PLCB1: variants seen among roughly 807,000 people sequenced by gnomAD.
PLCB1 encodes 1-phosphatidylinositol 4,5-bisphosphate phosphodiesterase beta-1.
PLCB1 carries 46 observed loss-of-function variants against 161.8 expected under a neutral mutation model. That is an observed-to-expected ratio of 0.28 (90% CI 0.22 to 0.36). The LOEUF is 0.36. PLCB1 is among the 10% of genes least tolerant of loss of function. The pLI, the probability that PLCB1 is intolerant of heterozygous loss-of-function variation, is 1.00. For synonymous variants in PLCB1, 517 were observed against 503.7 expected, an observed-to-expected ratio of 1.03 and a Z score of -0.35; for missense variants, 1,016 against 1,472.5, an observed-to-expected ratio of 0.69 and a Z score of 5.07.
chr20:8,393,594 G>T (rs1464766679), intron 3 of PLCB1, among the ~76,000 whole-genome samples: 1 of 152,166 alleles, frequency 6.6e-6, no homozygotes. Context: ...GTTCAAGGCT[G>T]CAGTGAACTG....
chr20:8,602,110 A>G (rs562711169), intron 3 of PLCB1, among the ~76,000 whole-genome samples: 1 of 152,158 alleles, frequency 6.6e-6, no homozygotes, highest in Non-Finnish European at 1.5e-5. Flanking sequence ...AAGTTCTCTC[A>G]TGAGACTAGT....
intron 3 of PLCB1, among the ~76,000 whole-genome samples, chr20:8,498,602 T>C (rs192618603): frequency 4.6e-5 from 7 of 152,162 alleles, no homozygotes; most frequent in Admixed American, 4.6e-4. Flanking sequence ...AAGATAGTTA[T>C]AGTTGGTGAT....
chr20:8,205,571 C>G (rs1236839583), intron 2 of PLCB1, among the ~76,000 whole-genome samples: 1 of 152,164 alleles, frequency 6.6e-6, no homozygotes, highest in Admixed American at 6.6e-5. Context: ...TCATCTTAAA[C>G]AATTCCAATG....
At chr20:8,337,596 G>A (rs1208561238) in intron 2 of PLCB1, among the ~76,000 whole-genome samples, 3 of 152,092 alleles carry the variant, frequency 2.0e-5, no homozygotes, top group Non-Finnish European at 2.9e-5. Context: ...CATGAAATAG[G>A]CCTTAAAATC....
chr20:8,857,129 G>A lies in PLCB1; in HGVS notation c.3424-24493G>A, dbSNP rs1303997088. Among the ~76,000 whole-genome samples the A allele has an allele frequency of 2.6e-5, 4 of 152,140 alleles. 1 individual carries two copies. In the South Asian group the frequency reaches 6.2e-4, roughly 24 times the overall value. The stretch of plus-strand genomic sequence containing the variant: ...TAGTCTCTAATCTGTGAACAGACAC[G>A]CCCAGGCTTGTTCACTTGCTGGTGG... On this transcript the variant is annotated intron_variant, in intron 31 of 31. Coordinates refer to ENST00000338037, the MANE Select transcript of PLCB1 (RefSeq NM_015192.4).
intron 3 of PLCB1, among the ~76,000 whole-genome samples, chr20:8,482,890 A>G (rs114529710): frequency 0.013 from 1,459 of 114,808 alleles, 25 homozygotes; most frequent in African/African-American, 0.045. Flanking sequence ...CAGGGCAGGC[A>G]GTCCTTCATT....
intron 3 of PLCB1, among the ~76,000 whole-genome samples, chr20:8,484,846 C>G (rs1296186266): frequency 6.6e-6 from 1 of 152,160 alleles, no homozygotes; most frequent in Non-Finnish European, 1.5e-5. Flanking sequence ...TACCCCAATT[C>G]AAATAGAAAC....
intron 2 of PLCB1, among the ~76,000 whole-genome samples, chr20:8,224,092 A>T (rs1402236300): frequency 1.3e-5 from 2 of 152,192 alleles, no homozygotes; most frequent in African/African-American, 4.8e-5. Flanking sequence ...TAAAATAAAC[A>T]TGTAACTTAA....
intron 3 of PLCB1, among the ~76,000 whole-genome samples, chr20:8,390,720 A>C (rs181324097): frequency 1.7e-3 from 257 of 152,258 alleles, no homozygotes; most frequent in Middle Eastern, 3.4e-3. Context: ...CATTATCAGC[A>C]CTAATTTCTG....
At chr20:8,440,957 A>T (rs907639965) in intron 3 of PLCB1, among the ~76,000 whole-genome samples, 2 of 152,148 alleles carry the variant, frequency 1.3e-5, no homozygotes, top group Non-Finnish European at 2.9e-5. Flanking sequence ...AAGAAATTAA[A>T]TTAAAAAGAG....
Position 8,589,123 on chromosome 20 carries a change from T to A in PLCB1, c.247-39171T>A, listed in dbSNP as rs150097241. The stretch of plus-strand genomic sequence containing the variant: ...GCTAGGCCAGGTTAATTCCCATCAC[T>A]GTTTTGTCTTTGGGCTTAGTTGTGC... On this transcript the variant is annotated intron_variant, in intron 3 of 31. Coordinates refer to ENST00000338037, the MANE Select transcript of PLCB1 (RefSeq NM_015192.4). 7.2e-3 allele frequency among the ~76,000 whole-genome samples: 1,094 copies of A among 152,282 alleles called. 17 individuals carry two copies. Among genetic ancestry groups the A allele is most frequent in the African/African-American group, 0.025 (1,055 of 41,550 alleles).
intron 18 of PLCB1, among the ~76,000 whole-genome samples, chr20:8,732,456 T>C (rs898160055): frequency 5.3e-5 from 8 of 151,430 alleles, no homozygotes; most frequent in African/African-American, 1.7e-4. Context: ...ATCAAAACAT[T>C]ATAAGGGTGA....
At chr20:8,310,156 C>T (rs1016898182) in intron 2 of PLCB1, among the ~76,000 whole-genome samples, 9 of 151,498 alleles carry the variant, frequency 5.9e-5, no homozygotes, top group East Asian at 1.9e-4. Context: ...GTTTTTGTTA[C>T]GGTGGGTCTC....
At chr20:8,720,404 G>A (rs891559296) in intron 14 of PLCB1, among the ~76,000 whole-genome samples, 2 of 152,208 alleles carry the variant, frequency 1.3e-5, no homozygotes, top group Admixed American at 6.5e-5. Flanking sequence ...ATTTTAATAT[G>A]TAGGTACCTG....
At chr20:8,266,543 G>A (rs1981962330) in intron 2 of PLCB1, among the ~76,000 whole-genome samples, 1 of 152,204 alleles carries the variant, frequency 6.6e-6, no homozygotes, top group Non-Finnish European at 1.5e-5. Context: ...AAGCGTAGGA[G>A]GGAGCTACAA....
intron 31 of PLCB1, among the ~76,000 whole-genome samples, chr20:8,870,604 C>T (rs2146324289): frequency 6.6e-6 from 1 of 152,284 alleles, no homozygotes; most frequent in East Asian, 1.9e-4. Flanking sequence ...AGGAACTGTG[C>T]TTGGTAAATC....
intron 2 of PLCB1, among the ~76,000 whole-genome samples, chr20:8,326,080 G>GATT (rs1985141832): frequency 6.6e-6 from 1 of 152,132 alleles, no homozygotes; most frequent in Non-Finnish European, 1.5e-5. Context: ...TACCCTTCGA[G>GATT]GTTGTTTAAG....
chr20:8,304,919 G>A (rs1326800244), intron 2 of PLCB1, among the ~76,000 whole-genome samples: 1 of 152,104 alleles, frequency 6.6e-6, no homozygotes, highest in Non-Finnish European at 1.5e-5. Flanking sequence ...GTCCTCATTT[G>A]TCTATTTCAG....
chr20:8,523,496 C>CTCTCTCTCTCTATATATATATA, intron 3 of PLCB1, among the ~76,000 whole-genome samples: 67 of 51,636 alleles, frequency 1.3e-3, no homozygotes, highest in East Asian at 3.2e-3. Flanking sequence ...CTCTCTCTCT[C>CTCTCTCTCTCTATATATATATA]TATATATATA....
Sources: allele counts gnomAD v4.1 joint callset (sites outside exome capture counted in the v4.1 genomes callset), GRCh38; gene constraint gnomAD v4.1.1; transcripts MANE v1.5; gene names NCBI Gene and HGNC (gene_info 2026-07-23, HGNC 2026-07-21).